ADNP: variants seen among roughly 807,000 people sequenced by gnomAD.
The protein encoded by ADNP is activity-dependent neuroprotector homeobox protein.
ADNP carries 4 observed loss-of-function variants against 84.9 expected under a neutral mutation model. The observed-to-expected ratio is 0.05, with a 90% confidence interval of 0.02 to 0.11. The LOEUF (loss-of-function observed/expected upper bound fraction) is 0.11. Among genes scored for constraint, ADNP ranks in the 10% least tolerant of loss-of-function variants. The probability of loss-of-function intolerance (pLI) is 1.00; values close to 1 mark genes in which losing one functional copy is unlikely to be tolerated. For missense variants in ADNP, 1,132 were observed against 1,326.0 expected, an observed-to-expected ratio of 0.85 and a Z score of 2.27; for synonymous variants, 554 against 468.1, an observed-to-expected ratio of 1.18 and a Z score of -2.37.
At chr20:50,900,720 A>C (rs567527421) in intron 5 of ADNP, among the ~76,000 whole-genome samples, 5 of 152,064 alleles carry the variant, frequency 3.3e-5, no homozygotes, top group African/African-American at 1.2e-4. Flanking sequence ...AGATAAAGCT[A>C]TATCTTTTAT....
At chr20:50,902,156 C>G in intron 4 of ADNP, 47 bp from the exon 5 acceptor site, 1 of 1,362,540 alleles carries the variant, frequency 7.3e-7, no homozygotes, top group Non-Finnish European at 1.0e-6. Context: ...GGTATAAACG[C>G]TAACCCAATC....
rs1307750281 is a variant in ADNP at position 50,892,070 on chromosome 20, A to C, written c.2644T>G (p.Leu882Val). 6.2e-7 allele frequency: 1 copy of C among 1,614,104 alleles called. No individual in the cohort carries two copies. The highest frequency in any genetic ancestry group is 1.7e-5 in the Admixed American group (1 of 60,020). ...DDSSSDSFEN[L>V]EEESNESGSP... Reference sequence around the variant, plus strand: ...CCACTTTCATTGGATTCTTCTTCCAAATTTTCAAAACTGTCTGAGGAACTG... The same window carrying C: ...CCACTTTCATTGGATTCTTCTTCCACATTTTCAAAACTGTCTGAGGAACTG... The change falls in exon 6 of 6, where the codon TTG (leucine) becomes GTG (valine). Residue 882 changes from leucine (L) to valine (V), a missense_variant. By Grantham distance (32) the Leu-to-Val change is conservative. Coordinates refer to ENST00000621696, the MANE Select transcript of ADNP (RefSeq NM_001282531.3).
chr20:50,904,076 G>A, intron 3 of ADNP, 75 bp from the exon 4 acceptor site: 1 of 1,180,820 alleles, frequency 8.5e-7, no homozygotes, highest in Non-Finnish European at 1.2e-6. Flanking sequence ...ACTGATGATA[G>A]GATCATAAAA....
chr20:50,898,014 C>T (rs1249480550), intron 5 of ADNP, among the ~76,000 whole-genome samples: 1 of 152,140 alleles, frequency 6.6e-6, no homozygotes, highest in African/African-American at 2.4e-5. Flanking sequence ...AATTTGTGGC[C>T]TGCAACATTG....
At position 50,900,320 on chromosome 20, in the gene ADNP, T is replaced by C. The variant is rs923651819; in HGVS notation, c.201+1697A>G. 2.0e-5 allele frequency among the ~76,000 whole-genome samples: 3 copies of C among 152,188 alleles called. No individual in the cohort carries two copies. In the South Asian group the frequency reaches 6.2e-4, roughly 31 times the overall value. ...CCTAGGAGCAACAGGCCATACCATA[T>C]AGCGTAGGGGTAATAGGAGGCTATA... On this transcript the variant is annotated intron_variant, in intron 5 of 5. Transcript: ENST00000621696.
rs781522818 is a variant in ADNP at position 50,893,636 on chromosome 20, G to A, written c.1078C>T (p.Pro360Ser). 6.2e-7 allele frequency: 1 copy of A among 1,614,164 alleles called. No homozygotes were observed. Among genetic ancestry groups the A allele is most frequent in the Non-Finnish European group, 8.5e-7 (1 of 1,180,026 alleles). ...TGCTTTACAGACTGAGATTGTTGAG[G>A]AATGGAAACTGGTGCGTTGCCACCT... ...GLGGNAPVSI[P>S]QQSQSVKQLL... Residue 360 changes from proline (P) to serine (S), a missense_variant, in exon 6 of 6, where the codon CCT (proline) becomes TCT (serine). This residue lies in a region of ADNP where 239 missense variants were observed against 213.2 expected (regional missense o/e 1.12). Transcript: ENST00000621696. This position sits in a 1 kb window ranked among gnomAD's most constrained non-coding sequence, Gnocchi z 4.4.
intron 2 of ADNP, among the ~76,000 whole-genome samples, chr20:50,925,782 C>G (rs529447774): frequency 6.6e-6 from 1 of 152,306 alleles, no homozygotes; most frequent in African/African-American, 2.4e-5. Context: ...GCATTTACTC[C>G]AGTTACTATC....
intron 2 of ADNP, among the ~76,000 whole-genome samples, chr20:50,916,278 T>C (rs2122941038): frequency 6.6e-6 from 1 of 151,948 alleles, no homozygotes; most frequent in Non-Finnish European, 1.5e-5. Context: ...TCTGAAAGAT[T>C]GTTGCCTGAT....
chr20:50,898,201 C>G (rs1981610432), intron 5 of ADNP, among the ~76,000 whole-genome samples: 1 of 152,188 alleles, frequency 6.6e-6, no homozygotes, highest in Non-Finnish European at 1.5e-5. Context: ...TCTAGAGTTT[C>G]CCAAAATTCT....
At chr20:50,907,637 T>TA (rs1475019232) in intron 2 of ADNP, among the ~76,000 whole-genome samples, 9 of 151,110 alleles carry the variant, frequency 6.0e-5, no homozygotes, top group Admixed American at 4.0e-4. Context: ...GGCTGGAGTG[T>TA]AGTGGTGTAA....
At chr20:50,902,552 G>C (rs1982096926) in intron 4 of ADNP, among the ~76,000 whole-genome samples, 1 of 152,048 alleles carries the variant, frequency 6.6e-6, no homozygotes, top group South Asian at 2.1e-4. Context: ...GATCAGATCA[G>C]GAAGAAAACT....
intron 2 of ADNP, chr20:50,909,848 C>T (rs558454788): frequency 3.3e-5 from 5 of 152,302 alleles, no homozygotes; most frequent in East Asian, 3.9e-4. Context: ...ACAGGGATGA[C>T]GTGACGCTGA....
At chr20:50,901,723 C>T (rs1982003733) in intron 5 of ADNP, among the ~76,000 whole-genome samples, 1 of 152,116 alleles carries the variant, frequency 6.6e-6, no homozygotes, top group African/African-American at 2.4e-5. Flanking sequence ...AACACAGATG[C>T]AGAAAAATAG....
chr20:50,917,023 A>C (rs1429263614), intron 2 of ADNP, among the ~76,000 whole-genome samples: 1 of 152,012 alleles, frequency 6.6e-6, no homozygotes, highest in African/African-American at 2.4e-5. Flanking sequence ...CCTAATCTAA[A>C]CTCTTCTCAT....
intron 2 of ADNP, among the ~76,000 whole-genome samples, chr20:50,920,510 G>A (rs555945133): frequency 2.0e-5 from 3 of 151,050 alleles, no homozygotes; most frequent in Admixed American, 2.0e-4. Context: ...CGCCCAGGAG[G>A]CAGAGGTTGA....
At position 50,893,591 on chromosome 20, in the gene ADNP, C is replaced by T. The variant is rs763980090; in HGVS notation, c.1123G>A (p.Gly375Arg). The change falls in exon 6 of 6, where the codon GGA becomes AGA. Residue 375 changes from glycine to arginine, a missense_variant. Physicochemically the swap from Gly to Arg is moderately radical, Grantham distance 125. Transcript: ENST00000621696. This position sits in a 1 kb window ranked among gnomAD's most constrained non-coding sequence, Gnocchi z 4.4. ...TCTGACCCAAGCCCATAAGACCTTCCGTTTCCACTTGGAAGTAACTGCTTT... is the reference window on the plus strand; with the variant it reads ...TCTGACCCAAGCCCATAAGACCTTCTGTTTCCACTTGGAAGTAACTGCTTT... ...SVKQLLPSGN[G>R]RSYGLGSEQR... is the part of the protein sequence containing the mutation. 6.2e-6 allele frequency: 10 copies of T among 1,613,998 alleles called. No homozygotes were observed. Among genetic ancestry groups the T allele is most frequent in the Admixed American group, 3.3e-5 (2 of 60,000 alleles).
At position 50,892,598 on chromosome 20, in the gene ADNP, G is replaced by T. The variant is rs762604317; in HGVS notation, c.2116C>A (p.Leu706Ile). ...GGTGCCAGACTTGGAGACTGATTAA[G>T]CCGAGAGGGTGCATTTGTCTTATCC... ...GQDKTNAPSR[L>I]NQSPSLAPVK... Residue 706 changes from leucine (L) to isoleucine (I), a missense_variant, in exon 6 of 6, where the codon CTT becomes ATT. Transcript: ENST00000621696. 5.6e-6 allele frequency: 9 copies of T among 1,614,212 alleles called. No individual in the cohort carries two copies. Among genetic ancestry groups the T allele is most frequent in the Non-Finnish European group, 6.8e-6 (8 of 1,180,050 alleles).
chr20:50,927,946 A>C (rs1392680693), intron 2 of ADNP, among the ~76,000 whole-genome samples: 1 of 152,224 alleles, frequency 6.6e-6, no homozygotes, highest in African/African-American at 2.4e-5. Flanking sequence ...CATATAAAAC[A>C]CCAAATAAAG....
chr20:50,892,145 T>C lies in ADNP; in HGVS notation c.2569A>G (p.Asn857Asp), dbSNP rs200939342. 1.2e-6 allele frequency: 2 copies of C among 1,614,048 alleles called. No individual in the cohort carries two copies. The highest frequency in any genetic ancestry group is 1.7e-6 in the Non-Finnish European group (2 of 1,180,042). ...ENHDEKDSRV[N>D]ASKTADKKLN... ...TTTTTGTCAGCAGTCTTACTAGCATTGACTCTGGAATCCTTCTCATCATGA... is the reference window on the plus strand; with the variant it reads ...TTTTTGTCAGCAGTCTTACTAGCATCGACTCTGGAATCCTTCTCATCATGA... Residue 857 changes from asparagine to aspartate, a missense_variant, in exon 6 of 6, where the codon AAT (asparagine) becomes GAT (aspartate). Asn to Asp is a conservative substitution (Grantham distance 23). This residue lies in a region of ADNP where 381 missense variants were observed against 319.9 expected (regional missense o/e 1.19). Transcript: ENST00000621696.
Sources: allele counts gnomAD v4.1 joint callset (sites outside exome capture counted in the v4.1 genomes callset), GRCh38; gene constraint gnomAD v4.1.1; regional missense constraint gnomAD v4.1.1; non-coding constraint Gnocchi (gnomAD v3.1); transcripts MANE v1.5; gene names NCBI Gene and HGNC (gene_info 2026-07-23, HGNC 2026-07-21).